The following APBB2 variants were observed in gnomAD, a reference collection of about 807,000 sequenced individuals.
The protein encoded by APBB2 is Fe65-like 1.
In APBB2, 38 loss-of-function variants were observed where a neutral mutation model predicts 82.5. The ratio of observed to expected loss-of-function variants is 0.46; its 90% CI spans 0.36 to 0.60. The LOEUF is 0.60. Among genes scored for constraint, APBB2 ranks in the 20% least tolerant of loss-of-function variants. The pLI is 0.00. For synonymous variants in APBB2, 341 were observed against 368.2 expected (o/e 0.93, Z 0.85); for missense variants, 772 against 972.3 (o/e 0.79, Z 2.74).
intron 6 of APBB2, among the ~76,000 whole-genome samples, chr4:40,980,117 G>A (rs1798115960): frequency 6.6e-6 from 1 of 152,104 alleles, no homozygotes; most frequent in Non-Finnish European, 1.5e-5. Flanking sequence ...CCGCCTCCTC[G>A]GTTCAAGCAA....
intron 1 of APBB2, among the ~76,000 whole-genome samples, chr4:41,143,757 T>C (rs1036414510): frequency 1.7e-4 from 26 of 152,302 alleles, no homozygotes; most frequent in African/African-American, 6.3e-4. Flanking sequence ...GGCTACATAA[T>C]CCAAAGGGGA....
chr4:41,197,429 AAACACT>A lies in APBB2; in HGVS notation c.-417+16970_-417+16975del. Among the ~76,000 whole-genome samples the A allele has an allele frequency of 5.3e-5, 8 of 152,338 alleles. No individual in the cohort carries two copies. The East Asian group carries it at 1.2e-3, about 22-fold the overall frequency. ...TATTTTCTGAGCACTTATTTTGGCC[AAACACT>A]GATCTAAGCACTCCAAGTTATCTAC... On this transcript the variant is annotated intron_variant, in intron 1 of 17. Coordinates refer to ENST00000508593, the MANE Select transcript of APBB2 (RefSeq NM_004307.2).
At chr4:41,180,663 A>G (rs1189206864) in intron 1 of APBB2, among the ~76,000 whole-genome samples, 1 of 152,064 alleles carries the variant, frequency 6.6e-6, no homozygotes, top group Non-Finnish European at 1.5e-5. Flanking sequence ...CAAAAAAACA[A>G]AAACTACTAA....
chr4:40,942,134 T>C (rs1028215471), intron 7 of APBB2, among the ~76,000 whole-genome samples: 20 of 152,194 alleles, frequency 1.3e-4, no homozygotes, highest in African/African-American at 4.6e-4. Context: ...ATTTATTTCC[T>C]TTTAAATCTG....
intron 12 of APBB2, among the ~76,000 whole-genome samples, chr4:40,878,203 C>T (rs951078033): frequency 1.3e-5 from 2 of 151,908 alleles, no homozygotes; most frequent in Admixed American, 6.6e-5. Flanking sequence ...AAAAATTAGA[C>T]GGGTGTGGTG....
At chr4:40,866,167 C>A (rs1441306318) in intron 12 of APBB2, among the ~76,000 whole-genome samples, 1 of 152,214 alleles carries the variant, frequency 6.6e-6, no homozygotes, top group Non-Finnish European at 1.5e-5. Flanking sequence ...ATGATTACAG[C>A]GGCTTTATTC....
chr4:41,147,699 G>A (rs926361632), intron 1 of APBB2, among the ~76,000 whole-genome samples: 5 of 152,040 alleles, frequency 3.3e-5, no homozygotes, highest in African/African-American at 9.7e-5. Context: ...ATGTTGGCCA[G>A]GCTGGCCTCA....
At chr4:41,049,655 G>C (rs1008992912) in intron 4 of APBB2, among the ~76,000 whole-genome samples, 2 of 152,174 alleles carry the variant, frequency 1.3e-5, no homozygotes, top group Admixed American at 6.5e-5. Context: ...CATTGAGAAC[G>C]GGCCATGATG....
chr4:41,022,972 T>C lies in APBB2; in HGVS notation c.20-8574A>G, dbSNP rs552895508. Among the ~76,000 whole-genome samples, 145 of 152,314 alleles carry C rather than the reference T, an allele frequency of 9.5e-4. 1 individual carries two copies. Among genetic ancestry groups the C allele is most frequent in the African/African-American group, 3.3e-3 (139 of 41,574 alleles). ...GTTAGTTATCTCAGCTGTTACCCCA[T>C]GTAGCATCTGAGCAAGAGTTAAAAT... On this transcript the variant is annotated intron_variant, in intron 5 of 17. Coordinates refer to ENST00000508593, the MANE Select transcript of APBB2 (RefSeq NM_004307.2).
intron 6 of APBB2, among the ~76,000 whole-genome samples, chr4:40,989,062 G>C (rs1013226983): frequency 6.6e-6 from 1 of 152,134 alleles, no homozygotes; most frequent in Non-Finnish European, 1.5e-5. Flanking sequence ...CCTGGCCCCA[G>C]AGTACTTTTT....
chr4:41,203,723 C>T (rs1561029730), intron 1 of APBB2, among the ~76,000 whole-genome samples: 1 of 152,156 alleles, frequency 6.6e-6, no homozygotes, highest in Non-Finnish European at 1.5e-5. Flanking sequence ...CCCCAGTACT[C>T]CAGGCCTGGT....
intron 4 of APBB2, among the ~76,000 whole-genome samples, chr4:41,035,191 T>A (rs370686373): frequency 6.6e-6 from 1 of 152,196 alleles, no homozygotes. Flanking sequence ...CAACTTAAAT[T>A]GAAAAACCTT....
chr4:40,978,815 G>T (rs867795950), intron 6 of APBB2, among the ~76,000 whole-genome samples: 1 of 151,960 alleles, frequency 6.6e-6, no homozygotes, highest in Non-Finnish European at 1.5e-5. Flanking sequence ...TAACTAATTC[G>T]TATACACATT....
intron 5 of APBB2, among the ~76,000 whole-genome samples, chr4:41,018,547 C>A (rs1053734163): frequency 5.3e-5 from 8 of 152,122 alleles, no homozygotes; most frequent in African/African-American, 1.9e-4. Flanking sequence ...CCTGAGGCAA[C>A]AGCAGGAGGA....
rs1232069644 is a variant in APBB2, at chr4:41,010,939, ATT to A, written c.835+2642_835+2643del. ...TTTAACAATCAGCAGCTTATGGGCAATTTTGTTTCTTTTTTTATCCTTCTAAT... is the reference window on the plus strand; with the variant it reads ...TTTAACAATCAGCAGCTTATGGGCAATTGTTTCTTTTTTTATCCTTCTAAT... On this transcript the variant is annotated intron_variant, in intron 6 of 17. Transcript: ENST00000508593. Among the ~76,000 whole-genome samples, 8 of 152,198 alleles carry A rather than the reference ATT, an allele frequency of 5.3e-5. No individual in the cohort carries two copies. The East Asian group carries it at 1.4e-3, about 26-fold the overall frequency.
chr4:41,076,131 T>C (rs1735559139), intron 3 of APBB2, among the ~76,000 whole-genome samples: 1 of 152,118 alleles, frequency 6.6e-6, no homozygotes, highest in Non-Finnish European at 1.5e-5. Context: ...GGCCCAATGA[T>C]GAGTGAATTT....
At chr4:41,057,355 G>A (rs912515042) in intron 4 of APBB2, among the ~76,000 whole-genome samples, 1 of 152,200 alleles carries the variant, frequency 6.6e-6, no homozygotes, top group Non-Finnish European at 1.5e-5. Context: ...GGAGGCTGAG[G>A]CAGGAGAATC....
At chr4:41,106,020 T>C (rs1747104819) in intron 2 of APBB2, among the ~76,000 whole-genome samples, 1 of 152,118 alleles carries the variant, frequency 6.6e-6, no homozygotes, top group African/African-American at 2.4e-5. Flanking sequence ...TACATTCACA[T>C]ATACATACCT....
In APBB2 at chr4:40,832,729, C is replaced by T. The variant is rs571323443; in HGVS notation, c.1530-2152G>A. Among the ~76,000 whole-genome samples the T allele has an allele frequency of 2.6e-5, 4 of 152,214 alleles. No individual in the cohort carries two copies. Among genetic ancestry groups the T allele is most frequent in the African/African-American group, 9.7e-5 (4 of 41,440 alleles). On this transcript the variant is annotated intron_variant, in intron 12 of 17. Coordinates refer to ENST00000508593, the MANE Select transcript of APBB2 (RefSeq NM_004307.2). The surrounding 1 kb of genome is among the most constrained non-coding windows in gnomAD (Gnocchi z 4.8). ...GTTCCTCGCACACACAGTACATACACGGGGGCACAGCAAGTGTCTGAGTGT... is the reference window on the plus strand; with the variant it reads ...GTTCCTCGCACACACAGTACATACATGGGGGCACAGCAAGTGTCTGAGTGT...
Sources: gnomAD v4.1 joint callset for allele counts (sites outside exome capture counted in the v4.1 genomes callset) on GRCh38, gnomAD v4.1.1 for gene constraint, Gnocchi (gnomAD v3.1) non-coding constraint, MANE v1.5 for transcripts, NCBI Gene and HGNC (gene_info 2026-07-23, HGNC 2026-07-21) for gene names.